The following SHANK2 variants were observed in gnomAD, a reference collection of about 807,000 sequenced individuals.
SHANK2 encodes SH3 and multiple ankyrin repeat domains protein 2.
In SHANK2, 43 loss-of-function variants were observed where a neutral mutation model predicts 133.7. The ratio of observed to expected loss-of-function variants is 0.32; its 90% CI spans 0.25 to 0.41. SHANK2 has a LOEUF of 0.41. SHANK2 is among the 10% of genes least tolerant of loss of function. SHANK2 has a pLI of 1.00. For synonymous variants in SHANK2, 1,017 were observed against 952.8 expected (o/e 1.07, Z -1.24); for missense variants, 1,994 against 2,235.8 (o/e 0.89, Z 2.18).
chr11:71,181,083 G>A (rs1237918642), intron 2 of SHANK2, among the ~76,000 whole-genome samples: 2 of 152,056 alleles, frequency 1.3e-5, no homozygotes, highest in African/African-American at 4.8e-5. Context: ...AACCAGAGAT[G>A]GCGGAAGATC....
At position 70,794,038 on chromosome 11, in the gene SHANK2, T is replaced by C. The variant is rs149830224; in HGVS notation, c.1777+4405A>G. Among the ~76,000 whole-genome samples, 5 of 152,262 alleles carry C rather than the reference T, an allele frequency of 3.3e-5. No individual in the cohort carries two copies. The East Asian group carries it at 7.7e-4, about 24-fold the overall frequency. On this transcript the variant is annotated intron_variant, in intron 14 of 25. Coordinates refer to ENST00000601538, the MANE Select transcript of SHANK2 (RefSeq NM_012309.5). ...GATCATGCCTGTAATCCCAGCATTTTGGGAGGTCAAGGCAGGTGGATCCCT... is the reference window on the plus strand; with the variant it reads ...GATCATGCCTGTAATCCCAGCATTTCGGGAGGTCAAGGCAGGTGGATCCCT...
At chr11:70,816,021 A>G (rs1272333090) in intron 12 of SHANK2, among the ~76,000 whole-genome samples, 3 of 152,198 alleles carry the variant, frequency 2.0e-5, no homozygotes, top group African/African-American at 7.2e-5. Flanking sequence ...CCACCGGGAC[A>G]ATAACACCTG....
intron 11 of SHANK2, among the ~76,000 whole-genome samples, chr11:70,836,198 G>A (rs1482633406): frequency 1.3e-5 from 2 of 152,206 alleles, no homozygotes; most frequent in South Asian, 2.1e-4. Context: ...TCCTCTTTCT[G>A]AGCGGCTGCA....
chr11:70,779,614 C>A (rs1010733407), intron 14 of SHANK2, among the ~76,000 whole-genome samples: 1 of 152,188 alleles, frequency 6.6e-6, no homozygotes, highest in Admixed American at 6.5e-5. Flanking sequence ...CAACCAGAGC[C>A]GCCCAGAGAT....
chr11:70,728,457 C>G (rs980024231), intron 14 of SHANK2, among the ~76,000 whole-genome samples: 2 of 152,228 alleles, frequency 1.3e-5, no homozygotes, highest in Non-Finnish European at 2.9e-5. Flanking sequence ...TGGTTCATCA[C>G]GCAGACTCAG....
chr11:70,670,675 T>TC (rs1411849599), intron 15 of SHANK2, among the ~76,000 whole-genome samples: 19 of 152,330 alleles, frequency 1.2e-4, no homozygotes, highest in African/African-American at 4.6e-4. Flanking sequence ...GTGATGCTGC[T>TC]CTCTTGCCCT....
intron 2 of SHANK2, among the ~76,000 whole-genome samples, chr11:71,223,168 C>T (rs1555121587): frequency 2.0e-5 from 3 of 152,194 alleles, no homozygotes; most frequent in Non-Finnish European, 4.4e-5. Context: ...GAGCTGGAGA[C>T]AGGAAAACCA....
At chr11:70,783,357 G>A (rs1233725764) in intron 14 of SHANK2, among the ~76,000 whole-genome samples, 1 of 152,182 alleles carries the variant, frequency 6.6e-6, no homozygotes, top group Non-Finnish European at 1.5e-5. Context: ...CGAGACACAA[G>A]GGTAGGGACT....
At position 70,689,284 on chromosome 11, in the gene SHANK2, A is replaced by G. The variant is rs539707888; in HGVS notation, c.1853+9404T>C. Among the ~76,000 whole-genome samples, 89 of 152,378 alleles carry G rather than the reference A, an allele frequency of 5.8e-4. No homozygotes were observed. The Middle Eastern group carries it at 0.017, about 29-fold the overall frequency. ...TACAGAGCAAGAAGGCAAAGAAAAAAATCTTGAGAAAGAATAAGTGACAAA... is the reference window on the plus strand; with the variant it reads ...TACAGAGCAAGAAGGCAAAGAAAAAGATCTTGAGAAAGAATAAGTGACAAA... On this transcript the variant is annotated intron_variant, in intron 15 of 25. Coordinates refer to ENST00000601538, the MANE Select transcript of SHANK2 (RefSeq NM_012309.5).
At chr11:71,081,341 A>G (rs1951298090) in intron 8 of SHANK2, among the ~76,000 whole-genome samples, 1 of 152,234 alleles carries the variant, frequency 6.6e-6, no homozygotes, top group African/African-American at 2.4e-5. Context: ...CTTTGGGTCT[A>G]CTAATGTGTG....
chr11:70,624,079 T>C (rs2060870478), intron 17 of SHANK2, among the ~76,000 whole-genome samples: 1 of 152,076 alleles, frequency 6.6e-6, no homozygotes, highest in Admixed American at 6.5e-5. Flanking sequence ...GGGTGTGGAC[T>C]TCTGGGAGCA....
chr11:70,538,520 G>T (rs2059572890), intron 17 of SHANK2, among the ~76,000 whole-genome samples: 1 of 152,240 alleles, frequency 6.6e-6, no homozygotes, highest in African/African-American at 2.4e-5. Flanking sequence ...CTAAGGAGGT[G>T]GCTCCCACTG....
chr11:70,622,134 T>C (rs1264766577), intron 17 of SHANK2, among the ~76,000 whole-genome samples: 1 of 151,990 alleles, frequency 6.6e-6, no homozygotes, highest in Non-Finnish European at 1.5e-5. Context: ...GAACAGCTGG[T>C]CAACCACTCC....
At chr11:70,918,897 G>GCTCA (rs1950307983) in intron 10 of SHANK2, among the ~76,000 whole-genome samples, 1 of 152,162 alleles carries the variant, frequency 6.6e-6, no homozygotes, top group African/African-American at 2.4e-5. Context: ...AGGCACAGTG[G>GCTCA]CTCAGCCTGT....
intron 17 of SHANK2, among the ~76,000 whole-genome samples, chr11:70,565,283 T>A (rs1554981662): frequency 1.3e-5 from 2 of 152,294 alleles, no homozygotes; most frequent in Non-Finnish European, 1.5e-5. Flanking sequence ...CTTGCTCTGC[T>A]GCCAAGGCTG....
intron 1 of SHANK2, among the ~76,000 whole-genome samples, chr11:71,233,131 G>A (rs1299386129): frequency 6.8e-6 from 1 of 146,744 alleles, no homozygotes; most frequent in Non-Finnish European, 1.5e-5. Context: ...GCAGGTACAG[G>A]AGACCCCATC....
rs962996641 is a variant in SHANK2 at position 71,087,345 on chromosome 11, G to A, written c.912+5077C>T. Among the ~76,000 whole-genome samples, 123 of 152,308 alleles carry A rather than the reference G, an allele frequency of 8.1e-4. 1 individual carries two copies. The East Asian group carries it at 0.019, about 23-fold the overall frequency. The stretch of plus-strand genomic sequence containing the variant: ...AGAGGGCAGGAAAAAGGAAAAAGGA[G>A]GGGTGTGGGAGGGGAAAGGACGGAG... On this transcript the variant is annotated intron_variant, in intron 8 of 25. Transcript: ENST00000601538.
At chr11:71,198,015 G>A (rs782402769) in intron 2 of SHANK2, among the ~76,000 whole-genome samples, 9 of 152,210 alleles carry the variant, frequency 5.9e-5, no homozygotes, top group Non-Finnish European at 1.2e-4. Flanking sequence ...TGGTGAAAGC[G>A]CAGCAGTTGC....
intron 17 of SHANK2, among the ~76,000 whole-genome samples, chr11:70,545,085 G>A (rs1380121965): frequency 6.6e-6 from 1 of 152,192 alleles, no homozygotes; most frequent in Non-Finnish European, 1.5e-5. Context: ...GGCAGGCAAG[G>A]GCCACTGGGG....
Sources: allele counts gnomAD v4.1 joint callset (sites outside exome capture counted in the v4.1 genomes callset), GRCh38; gene constraint gnomAD v4.1.1; transcripts MANE v1.5; gene names NCBI Gene and HGNC (gene_info 2026-07-23, HGNC 2026-07-21).